The following EXOC4 variants were observed in gnomAD, a reference collection of about 807,000 sequenced individuals.
EXOC4 encodes exocyst complex component 4.
Under a neutral mutation model 107.2 loss-of-function variants are expected in EXOC4, and 71 were observed. That is an observed-to-expected ratio of 0.66 (90% CI 0.55 to 0.81). EXOC4 has a LOEUF of 0.81. EXOC4 is among the 30% of genes least tolerant of loss of function. EXOC4 has a pLI of 0.00. For missense variants in EXOC4, 1,108 were observed against 1,189.6 expected (o/e 0.93, Z 1.01); for synonymous variants, 456 against 441.2 (o/e 1.03, Z -0.42).
At chr7:133,605,780 A>G (rs1468382717) in intron 9 of EXOC4, among the ~76,000 whole-genome samples, 1 of 152,168 alleles carries the variant, frequency 6.6e-6, no homozygotes, top group Non-Finnish European at 1.5e-5. Context: ...AGTCATTAGC[A>G]TATAGATGGT....
At chr7:133,414,709 A>G (rs935523517) in intron 7 of EXOC4, among the ~76,000 whole-genome samples, 2 of 152,152 alleles carry the variant, frequency 1.3e-5, no homozygotes, top group East Asian at 1.9e-4. Context: ...TAATGTAACT[A>G]TTATATATGT....
intron 13 of EXOC4, among the ~76,000 whole-genome samples, chr7:133,921,440 C>T (rs993904008): frequency 6.6e-6 from 1 of 152,178 alleles, no homozygotes; most frequent in East Asian, 1.9e-4. Context: ...CCCAGTCAAG[C>T]TGACATATAA....
chr7:133,952,357 C>T (rs1394474396), intron 14 of EXOC4, among the ~76,000 whole-genome samples: 1 of 152,128 alleles, frequency 6.6e-6, no homozygotes, highest in Non-Finnish European at 1.5e-5. Flanking sequence ...TTCAGCTGGG[C>T]ATCCTCCACA....
chr7:133,434,447 C>T lies in EXOC4; in HGVS notation c.1183-40881C>T, dbSNP rs892394578. 6.6e-5 allele frequency among the ~76,000 whole-genome samples: 10 copies of T among 152,148 alleles called. No homozygotes were observed. In the East Asian group the frequency reaches 1.9e-3, roughly 29 times the overall value. On this transcript the variant is annotated intron_variant, in intron 7 of 17. Transcript: ENST00000253861. ...TGTAAACATGATCTTTCCCTTTGCT[C>T]TGAGCTCCCCCCTCTGGCATTAATG...
intron 7 of EXOC4, among the ~76,000 whole-genome samples, chr7:133,380,900 A>C (rs541055685): frequency 2.0e-5 from 3 of 152,162 alleles, no homozygotes; most frequent in African/African-American, 7.2e-5. Flanking sequence ...ATTTTGTTTA[A>C]TTGCTCTGAG....
In EXOC4 at chr7:133,585,330, A is replaced by G. The variant is rs952921387; in HGVS notation, c.1418-44715A>G. Reference sequence around the variant, plus strand: ...TGTGTAGGTTAAATTAATAAAATGAAGTGTATAGCACATGGTTACTTTTTC... The same window carrying G: ...TGTGTAGGTTAAATTAATAAAATGAGGTGTATAGCACATGGTTACTTTTTC... On this transcript the variant is annotated intron_variant, in intron 9 of 17. Transcript: ENST00000253861. Among the ~76,000 whole-genome samples the G allele has an allele frequency of 4.6e-5, 7 of 152,354 alleles. No homozygotes were observed. The East Asian group carries it at 1.3e-3, about 29-fold the overall frequency.
intron 10 of EXOC4, among the ~76,000 whole-genome samples, chr7:133,698,778 C>T (rs1252403349): frequency 6.6e-6 from 1 of 151,876 alleles, no homozygotes. Context: ...GCTTTGAGGC[C>T]ATGTACTGTG....
chr7:133,958,026 C>T (rs1287383007), intron 14 of EXOC4, among the ~76,000 whole-genome samples: 1 of 152,146 alleles, frequency 6.6e-6, no homozygotes, highest in East Asian at 1.9e-4. Flanking sequence ...CATGGGGCCT[C>T]GTGATACTTC....
the EXOC4 span, among the ~76,000 whole-genome samples, chr7:134,079,926 A>G: frequency 1.3e-5 from 2 of 152,210 alleles, no homozygotes; most frequent in African/African-American, 4.8e-5. Context: ...ATGCTAGTCC[A>G]AACAGGCTCC....
At chr7:133,888,096 G>A (rs921148883) in intron 11 of EXOC4, among the ~76,000 whole-genome samples, 2 of 152,100 alleles carry the variant, frequency 1.3e-5, no homozygotes, top group Non-Finnish European at 2.9e-5. Flanking sequence ...TTTTACTGGG[G>A]TGGGAAAAAT....
chr7:133,733,804 T>C (rs906503299), intron 10 of EXOC4, among the ~76,000 whole-genome samples: 3 of 152,230 alleles, frequency 2.0e-5, no homozygotes, highest in Non-Finnish European at 1.5e-5. Context: ...TACAAGTCTA[T>C]GGTAACTTTC....
chr7:133,459,259 T>C (rs1419302084), intron 7 of EXOC4, among the ~76,000 whole-genome samples: 1 of 152,172 alleles, frequency 6.6e-6, no homozygotes, highest in Non-Finnish European at 1.5e-5. Flanking sequence ...TGAGAATAAT[T>C]AGGTAGAGCT....
At chr7:133,799,495 T>C (rs1027478081) in intron 10 of EXOC4, among the ~76,000 whole-genome samples, 7 of 152,202 alleles carry the variant, frequency 4.6e-5, no homozygotes, top group African/African-American at 9.6e-5. Flanking sequence ...ATGGGTATTC[T>C]AAAACCTCAC....
intron 10 of EXOC4, among the ~76,000 whole-genome samples, chr7:133,695,597 A>G (rs1188640520): frequency 6.6e-6 from 1 of 152,148 alleles, no homozygotes; most frequent in African/African-American, 2.4e-5. Context: ...CTTACTCTTA[A>G]GAGACTTCAT....
intron 11 of EXOC4, among the ~76,000 whole-genome samples, chr7:133,827,222 C>T (rs977876128): frequency 2.0e-5 from 3 of 152,238 alleles, no homozygotes; most frequent in South Asian, 4.1e-4. Context: ...AACTTGTCCT[C>T]GTAACTGTTG....
chr7:133,951,705 C>T (rs1431903946), intron 14 of EXOC4, among the ~76,000 whole-genome samples: 1 of 152,206 alleles, frequency 6.6e-6, no homozygotes, highest in Non-Finnish European at 1.5e-5. Context: ...TTAAATTTAA[C>T]AGCCTTCCAA....
intron 17 of EXOC4, among the ~76,000 whole-genome samples, chr7:134,019,415 G>GTGATGATGATGATGATGATGATGATGA (rs149056095): frequency 1.1e-4 from 16 of 148,758 alleles, no homozygotes; most frequent in Admixed American, 6.1e-4. Context: ...CTTTCTCTCA[G>GTGATGATGATGATGATGATGATGATGA]TGATGATGAT....
intron 10 of EXOC4, among the ~76,000 whole-genome samples, chr7:133,816,066 T>G (rs928203973): frequency 6.6e-6 from 1 of 152,218 alleles, no homozygotes; most frequent in African/African-American, 2.4e-5. Context: ...TAATAGACAT[T>G]GGAAGAAGGG....
chr7:133,975,192 G>A (rs1793802343), intron 14 of EXOC4, among the ~76,000 whole-genome samples: 1 of 152,188 alleles, frequency 6.6e-6, no homozygotes, highest in South Asian at 2.1e-4. Flanking sequence ...GAAGAAGCAA[G>A]TGATATTTTC....
Sources: gnomAD v4.1 joint callset for allele counts (sites outside exome capture counted in the v4.1 genomes callset) on GRCh38, gnomAD v4.1.1 for gene constraint, MANE v1.5 for transcripts, NCBI Gene and HGNC (gene_info 2026-07-23, HGNC 2026-07-21) for gene names.